Variants in HNRNPAB observed in about 807,000 individuals in gnomAD.
HNRNPAB encodes ABBP-1.
HNRNPAB carries 17 observed loss-of-function variants against 44.1 expected under a neutral mutation model. The ratio of observed to expected loss-of-function variants is 0.39; its 90% CI spans 0.26 to 0.58. The LOEUF is 0.58. HNRNPAB is among the 20% of genes least tolerant of loss of function. HNRNPAB has a pLI of 0.63. For missense variants in HNRNPAB, 393 were observed against 432.7 expected, an observed-to-expected ratio of 0.91 and a Z score of 0.81; for synonymous variants, 183 against 167.6, an observed-to-expected ratio of 1.09 and a Z score of -0.71.
intron 2 of HNRNPAB, among the ~76,000 whole-genome samples, 196 bp downstream of exon 2, chr5:178,205,242 G>T (rs1363339587): frequency 2.0e-5 from 3 of 150,866 alleles, no homozygotes; most frequent in African/African-American, 7.3e-5. Flanking sequence ...TTGTTGGGTC[G>T]ACTTTGGCGC....
intron 5 of HNRNPAB, chr5:178,208,540 CAG>C (rs1483270011): frequency 6.6e-6 from 1 of 152,168 alleles, no homozygotes. Flanking sequence ...TAGAATATAT[CAG>C]ATTGCATTAT....
In HNRNPAB at chr5:178,207,003, C is replaced by T. The variant is rs1370787756; in HGVS notation, c.538-91C>T. 13 of 1,585,968 alleles carry T rather than the reference C, an allele frequency of 8.2e-6. No homozygotes were observed. The East Asian group carries it at 2.7e-4, about 33-fold the overall frequency. ...CCAGGCAGGGCTTATTTTTCACCCT[C>T]TGTCTTCAATGGGGTCTTTTCTCCT... On this transcript the variant is annotated intron_variant, in intron 4 of 7. Transcript: ENST00000358344.
chr5:178,210,623 A>AGGC lies in HNRNPAB; in HGVS notation c.*4_*6dup. ...ATCAGAATAACTACAAGCCATACTGAGGCGGCAGCAGGAGCGACCAACTGA... is the reference window on the plus strand; with the variant it reads ...ATCAGAATAACTACAAGCCATACTGAGGCGGCGGCAGCAGGAGCGACCAACTGA... On this transcript the variant is annotated 3_prime_UTR_variant, in exon 8 of 8. Transcript: ENST00000358344. The AGGC allele has an allele frequency of 6.2e-7, 1 of 1,613,124 alleles. No individual in the cohort carries two copies. The highest frequency in any genetic ancestry group is 8.5e-7 in the Non-Finnish European group (1 of 1,179,104).
At position 178,210,588 on chromosome 5, in the gene HNRNPAB, C is replaced by T. The variant is rs915619597; in HGVS notation, c.964C>T (p.Arg322Cys). 11 of 1,614,094 alleles carry T rather than the reference C, an allele frequency of 6.8e-6. No individual in the cohort carries two copies. Among genetic ancestry groups the T allele is most frequent in the East Asian group, 2.2e-5 (1 of 44,888 alleles). Residue 322 changes from arginine to cysteine, a missense_variant, in exon 8 of 8, where the codon CGT becomes TGT. By Grantham distance (180) the Arg-to-Cys change is radical. Transcript: ENST00000358344. Reference sequence around the variant, plus strand: ...TACAAACTACGGCAAGAGCCAGCGACGTGGTGGCCATCAGAATAACTACAA... The same window carrying T: ...TACAAACTACGGCAAGAGCCAGCGATGTGGTGGCCATCAGAATAACTACAA... ...GSTNYGKSQR[R>C]GGHQNNYKPY
chr5:178,210,288 G>C lies in HNRNPAB; in HGVS notation c.928+16G>C. ...TACGACTACAGTAAGTAGGAGAGAG[G>C]GAGGCCCCATCCGCTCACCCCTCGT... On this transcript the variant is annotated intron_variant, in intron 7 of 7. Transcript: ENST00000358344. 2 of 1,614,078 alleles carry C rather than the reference G, an allele frequency of 1.2e-6. No homozygotes were observed. Among genetic ancestry groups the C allele is most frequent in the South Asian group, 1.1e-5 (1 of 91,084 alleles).
chr5:178,210,627 G>A lies in HNRNPAB; in HGVS notation c.*4G>A, dbSNP rs200876071. 1.1e-4 allele frequency: 185 copies of A among 1,611,926 alleles called. No homozygotes were observed. The highest frequency in any genetic ancestry group is 1.5e-4 in the Non-Finnish European group (173 of 1,178,064). ...GAATAACTACAAGCCATACTGAGGC[G>A]GCAGCAGGAGCGACCAACTGATCGC... On this transcript the variant is annotated 3_prime_UTR_variant, in exon 8 of 8. Transcript: ENST00000358344.
chr5:178,206,905 G>A lies in HNRNPAB; in HGVS notation c.537+15G>A, dbSNP rs764291349. 2 of 1,613,760 alleles carry A rather than the reference G, an allele frequency of 1.2e-6. No homozygotes were observed. Among genetic ancestry groups the A allele is most frequent in the South Asian group, 2.2e-5 (2 of 91,040 alleles). ...AGTTTGGGGAGGTGAGTGTGGCTCT[G>A]GGAATAGCCCATCAGCTGCCCCTAA... is the stretch of plus-strand genomic sequence containing the variant. On this transcript the variant is annotated intron_variant, in intron 4 of 7. Coordinates refer to ENST00000358344, the MANE Select transcript of HNRNPAB (RefSeq NM_031266.3).
At chr5:178,207,604 T>C (rs1757130515) in intron 5 of HNRNPAB, among the ~76,000 whole-genome samples, 1 of 151,886 alleles carries the variant, frequency 6.6e-6, no homozygotes. Flanking sequence ...TCACTGATTC[T>C]CCTCTGTGGT....
intron 7 of HNRNPAB, 28 bp downstream of exon 7, chr5:178,210,300 C>T (rs200124507): frequency 3.4e-5 from 55 of 1,613,672 alleles, no homozygotes; most frequent in African/African-American, 2.3e-4. Flanking sequence ...AGGCCCCATC[C>T]GCTCACCCCT....
rs754101035 is a variant in HNRNPAB, at chr5:178,210,217, C to A, written c.873C>A (p.Gly291=). ...GYQQGYGPGY[G]GYDYSPYGYY... is the part of the protein sequence containing the mutation. The stretch of plus-strand genomic sequence containing the variant: ...AGCAGGGCTACGGGCCTGGCTATGG[C>A]GGCTACGACTACTCGCCCTATGGCT... The change falls in exon 7 of 8, where the codon GGC becomes GGA. Residue 291 remains glycine, a synonymous_variant. Coordinates refer to ENST00000358344, the MANE Select transcript of HNRNPAB (RefSeq NM_031266.3). 2 of 1,612,118 alleles carry A rather than the reference C, an allele frequency of 1.2e-6. No homozygotes were observed. The highest frequency in any genetic ancestry group is 1.3e-5 in the African/African-American group (1 of 74,872).
intron 5 of HNRNPAB, among the ~76,000 whole-genome samples, chr5:178,208,204 G>GA (rs1450161269): frequency 2.0e-5 from 3 of 152,204 alleles, no homozygotes; most frequent in Admixed American, 1.3e-4. Context: ...GGCAGGGTGT[G>GA]GCAGGTTCTG....
Position 178,209,362 on chromosome 5 carries a change from C to T in HNRNPAB, c.702C>T (p.Val234=). The T allele has an allele frequency of 2.5e-6, 4 of 1,614,116 alleles. No individual in the cohort carries two copies. The highest frequency in any genetic ancestry group is 3.4e-6 in the Non-Finnish European group (4 of 1,180,006). ...CEIKVAQPKE[V]YQQQQYGSGG... ...TCAAGGTGGCCCAGCCCAAAGAAGT[C>T]TATCAGCAGCAGCAGTATGGCTCTG... The change falls in exon 6 of 8, where the codon GTC becomes GTT. Residue 234 remains valine (V), a synonymous_variant. Transcript: ENST00000358344.
chr5:178,206,589 T>C, intron 3 of HNRNPAB, 143 bp from the exon 4 acceptor site: 1 of 771,956 alleles, frequency 1.3e-6, no homozygotes, highest in Non-Finnish European at 2.2e-6. Context: ...TGATGAAAAT[T>C]GGGTTGGGAG....
rs755056213 is a variant in HNRNPAB at position 178,205,947 on chromosome 5, C to T, written c.315C>T (p.Pro105=). ...TTGACTGTACAATAAAAATGGATCC[C>T]AACACTGGACGGTCAAGAGGGTTTG... ...EVVDCTIKMD[P]NTGRSRGFGF... The change falls in exon 3 of 8, where the codon CCC becomes CCT. Residue 105 remains proline, a synonymous_variant. Coordinates refer to ENST00000358344, the MANE Select transcript of HNRNPAB (RefSeq NM_031266.3). 1 of 1,614,084 alleles carries T rather than the reference C, an allele frequency of 6.2e-7. No homozygotes were observed. The highest frequency in any genetic ancestry group is 8.5e-7 in the Non-Finnish European group (1 of 1,179,990).
Position 178,210,692 on chromosome 5 carries a change from T to C in HNRNPAB, c.*69T>C, listed in dbSNP as rs1758003029. ...TGGATATGGAGTGAACACAATTATG[T>C]ACCAAATTTAACTTGGCAAACTTTC... On this transcript the variant is annotated 3_prime_UTR_variant, in exon 8 of 8. Coordinates refer to ENST00000358344, the MANE Select transcript of HNRNPAB (RefSeq NM_031266.3). 4 of 1,257,776 alleles carry C rather than the reference T, an allele frequency of 3.2e-6. No individual in the cohort carries two copies. In the Admixed American group the frequency reaches 6.8e-5, roughly 22 times the overall value. The allele number at this position is 1,257,776 out of a possible 1,614,324, so 77.9% of individuals were successfully genotyped here.
At chr5:178,206,708 C>T in intron 3 of HNRNPAB, 24 bp from the exon 4 acceptor site, 1 of 1,611,234 alleles carries the variant, frequency 6.2e-7, no homozygotes, top group Non-Finnish European at 8.5e-7. Context: ...GCTGAGTCAG[C>T]CTGACCCCTT....
At chr5:178,206,304 T>C (rs1305714950) in intron 3 of HNRNPAB, among the ~76,000 whole-genome samples, 1 of 152,166 alleles carries the variant, frequency 6.6e-6, no homozygotes. Flanking sequence ...AGAGAGTCCA[T>C]GATTGGTATG....
chr5:178,209,392 C>T lies in HNRNPAB; in HGVS notation c.732C>T (p.Gly244=), dbSNP rs1441742952. Residue 244 remains glycine, a synonymous_variant, in exon 6 of 8, where the codon GGC becomes GGT. Transcript: ENST00000358344. Reference sequence around the variant, plus strand: ...AGCAGCAGCAGTATGGCTCTGGGGGCCGTGGAAACCGCAACCGAGGGAACC... The same window carrying T: ...AGCAGCAGCAGTATGGCTCTGGGGGTCGTGGAAACCGCAACCGAGGGAACC... ...VYQQQQYGSG[G]RGNRNRGNRG... The T allele has an allele frequency of 6.2e-7, 1 of 1,613,962 alleles. No individual in the cohort carries two copies. The highest frequency in any genetic ancestry group is 1.3e-5 in the African/African-American group (1 of 74,890).
In HNRNPAB at chr5:178,210,882, G is replaced by C; in HGVS notation, c.*259G>C. 1 of 529,324 alleles carries C rather than the reference G, an allele frequency of 1.9e-6. No individual in the cohort carries two copies. The highest frequency in any genetic ancestry group is 3.4e-6 in the Non-Finnish European group (1 of 295,824). The allele number at this position is 529,324 out of a possible 1,614,324, so 32.8% of individuals were successfully genotyped here. A position where few individuals can be genotyped will look rare whatever the true frequency, so the allele number is the denominator to read the frequency against. The stretch of plus-strand genomic sequence containing the variant: ...TACCAGGTCCCCCAGAAGCAGGTGG[G>C]AGGCTCTGCTTCCTGCTGCCGCTCT... On this transcript the variant is annotated 3_prime_UTR_variant, in exon 8 of 8. Coordinates refer to ENST00000358344, the MANE Select transcript of HNRNPAB (RefSeq NM_031266.3).
Sources: allele counts gnomAD v4.1 joint callset (sites outside exome capture counted in the v4.1 genomes callset), GRCh38; gene constraint gnomAD v4.1.1; transcripts MANE v1.5; gene names NCBI Gene and HGNC (gene_info 2026-07-23, HGNC 2026-07-21).